The following BNC2 variants were observed in gnomAD, a reference collection of about 807,000 sequenced individuals.
BNC2 encodes the protein basonuclin zinc finger protein 2.
In BNC2, 20 loss-of-function variants were observed where a neutral mutation model predicts 76.3. The observed-to-expected ratio is 0.26, with a 90% CI of 0.18 to 0.38. The LOEUF (loss-of-function observed/expected upper bound fraction) is 0.38. BNC2 is among the 10% of genes least tolerant of loss of function. The pLI, the probability that BNC2 is intolerant of heterozygous loss-of-function variation, is 1.00. For synonymous variants in BNC2, 582 were observed against 514.8 expected (o/e 1.13, Z -1.77); for missense variants, 1,382 against 1,399.8 (o/e 0.99, Z 0.20).
intron 3 of BNC2, among the ~76,000 whole-genome samples, chr9:16,693,274 C>A (rs993043356): frequency 5.3e-5 from 8 of 152,016 alleles, no homozygotes; most frequent in African/African-American, 1.7e-4. Flanking sequence ...AGCAGCCTGG[C>A]CTATAAATTA....
chr9:16,463,001 G>A (rs939498686), intron 5 of BNC2, among the ~76,000 whole-genome samples: 10 of 151,900 alleles, frequency 6.6e-5, no homozygotes, highest in African/African-American at 1.2e-4. Context: ...CATTTCCCCC[G>A]CAGCCCACCC....
At chr9:16,521,180 A>G (rs1305353461) in intron 5 of BNC2, among the ~76,000 whole-genome samples, 1 of 152,192 alleles carries the variant, frequency 6.6e-6, no homozygotes, top group South Asian at 2.1e-4. Context: ...TCAAGATATG[A>G]CAGATGTGGC....
At chr9:16,479,819 T>C (rs911413950) in intron 5 of BNC2, among the ~76,000 whole-genome samples, 1 of 152,236 alleles carries the variant, frequency 6.6e-6, no homozygotes, top group Admixed American at 6.5e-5. Context: ...ATTATTTATG[T>C]TTATTTTAAT....
intron 1 of BNC2, among the ~76,000 whole-genome samples, chr9:16,776,514 G>A (rs539842146): frequency 1.3e-4 from 20 of 152,280 alleles, no homozygotes; most frequent in Admixed American, 3.9e-4. Flanking sequence ...TCAACTAGCT[G>A]TAGGCAAGAA....
chr9:16,517,114 T>C lies in BNC2; in HGVS notation c.669+35416A>G, dbSNP rs146458569. On this transcript the variant is annotated intron_variant, in intron 5 of 6. Coordinates refer to ENST00000380672, the MANE Select transcript of BNC2 (RefSeq NM_017637.6). ...GACTAACAACATTCCCCCATAATGA[T>C]GGTGGTGTCTTTAGATTGAGATAAG... Among the ~76,000 whole-genome samples, 11 of 152,262 alleles carry C rather than the reference T, an allele frequency of 7.2e-5. No homozygotes were observed. The East Asian group carries it at 1.7e-3, about 24-fold the overall frequency.
At chr9:16,749,720 G>C (rs1260711327) in intron 1 of BNC2, among the ~76,000 whole-genome samples, 1 of 151,258 alleles carries the variant, frequency 6.6e-6, no homozygotes, top group African/African-American at 2.4e-5. Context: ...AAAAAAAATA[G>C]TGTAAGGATG....
At chr9:16,504,629 A>C (rs1034633248) in intron 5 of BNC2, among the ~76,000 whole-genome samples, 1 of 152,208 alleles carries the variant, frequency 6.6e-6, no homozygotes, top group East Asian at 1.9e-4. Flanking sequence ...AAAACTAGAA[A>C]TAAATAAATA....
At chr9:16,776,392 A>G (rs1825969045) in intron 1 of BNC2, among the ~76,000 whole-genome samples, 1 of 152,094 alleles carries the variant, frequency 6.6e-6, no homozygotes. Context: ...TGCCCACCTC[A>G]GCCTCCAAAA....
intron 3 of BNC2, chr9:16,704,609 T>C (rs1411735956): frequency 1.3e-5 from 2 of 150,754 alleles, no homozygotes; most frequent in African/African-American, 4.9e-5. Context: ...TTGTTTTGTT[T>C]TAAACTCGGA....
chr9:16,521,500 A>G (rs371296253), intron 5 of BNC2, among the ~76,000 whole-genome samples: 3 of 152,228 alleles, frequency 2.0e-5, no homozygotes, highest in African/African-American at 7.2e-5. Flanking sequence ...TGAATGGTTT[A>G]CATCATTAGA....
At chr9:16,784,858 G>A (rs1826241688) in intron 1 of BNC2, among the ~76,000 whole-genome samples, 2 of 152,196 alleles carry the variant, frequency 1.3e-5, no homozygotes, top group Admixed American at 1.3e-4. Context: ...CTTTTAAGGA[G>A]AGGACTGTTC....
At chr9:16,634,858 G>A (rs538802061) in intron 3 of BNC2, among the ~76,000 whole-genome samples, 1 of 150,916 alleles carries the variant, frequency 6.6e-6, no homozygotes, top group Admixed American at 6.6e-5. Flanking sequence ...TACACTGAGG[G>A]GAGGGGGAAC....
intron 2 of BNC2, among the ~76,000 whole-genome samples, chr9:16,730,689 T>C (rs918549426): frequency 4.6e-5 from 7 of 152,156 alleles, no homozygotes; most frequent in African/African-American, 1.7e-4. Context: ...TATCATGGAC[T>C]GAGGTGGCCC....
At chr9:16,493,117 G>GT (rs376949329) in intron 5 of BNC2, among the ~76,000 whole-genome samples, 1 of 151,966 alleles carries the variant, frequency 6.6e-6, no homozygotes, top group Non-Finnish European at 1.5e-5. Context: ...TTGTTTTCAC[G>GT]TAAGTCCTAT....
Position 16,418,910 on chromosome 9 carries a change from A to G in BNC2, c.*79T>C. ...ACACACACACACACACCCCAAGTACATAAGCGCACACTGACTATGGCAGTT... is the reference window on the plus strand; with the variant it reads ...ACACACACACACACACCCCAAGTACGTAAGCGCACACTGACTATGGCAGTT... On this transcript the variant is annotated 3_prime_UTR_variant, in exon 7 of 7. Coordinates refer to ENST00000380672, the MANE Select transcript of BNC2 (RefSeq NM_017637.6). The G allele has an allele frequency of 1.5e-6, 2 of 1,330,984 alleles. No homozygotes were observed. The highest frequency in any genetic ancestry group is 2.1e-6 in the Non-Finnish European group (2 of 961,022). 82.4% of individuals were successfully genotyped at this position (1,330,984 alleles called of 1,614,324 possible).
intron 3 of BNC2, among the ~76,000 whole-genome samples, chr9:16,624,898 C>T (rs1245943461): frequency 1.3e-5 from 2 of 152,166 alleles, no homozygotes; most frequent in African/African-American, 4.8e-5. Context: ...CCAAATCCCC[C>T]ACTTCCTTTG....
At chr9:16,682,245 T>A (rs1298026191) in intron 3 of BNC2, among the ~76,000 whole-genome samples, 4 of 136,550 alleles carry the variant, frequency 2.9e-5, no homozygotes, top group Non-Finnish European at 6.1e-5. Flanking sequence ...CCCAGTAGGT[T>A]TATCATGTAA....
chr9:16,631,291 T>G (rs1473765172), intron 3 of BNC2, among the ~76,000 whole-genome samples: 5 of 152,060 alleles, frequency 3.3e-5, no homozygotes, highest in Non-Finnish European at 7.4e-5. Flanking sequence ...AATAATACCT[T>G]TAAATAGCAC....
intron 1 of BNC2, among the ~76,000 whole-genome samples, chr9:16,788,213 A>G (rs1014449788): frequency 5.3e-5 from 8 of 152,150 alleles, no homozygotes; most frequent in African/African-American, 1.2e-4. Context: ...GTGAAAAACA[A>G]TGGGTAACCA....
Sources: allele counts gnomAD v4.1 joint callset (sites outside exome capture counted in the v4.1 genomes callset), GRCh38; gene constraint gnomAD v4.1.1; transcripts MANE v1.5; gene names NCBI Gene and HGNC (gene_info 2026-07-23, HGNC 2026-07-21).